NHEJ1: variants seen among roughly 807,000 people sequenced by gnomAD.
NHEJ1 encodes non-homologous end-joining factor 1.
Under a neutral mutation model 39.4 loss-of-function variants are expected in NHEJ1, and 22 were observed. The ratio of observed to expected loss-of-function variants is 0.56; its 90% CI spans 0.40 to 0.80. The LOEUF is 0.80. Among genes scored for constraint, NHEJ1 ranks in the 30% least tolerant of loss-of-function variants. The pLI is 0.00. For synonymous variants in NHEJ1, 154 were observed against 135.6 expected, an observed-to-expected ratio of 1.14 and a Z score of -0.94; for missense variants, 329 against 357.1, an observed-to-expected ratio of 0.92 and a Z score of 0.63.
At chr2:219,097,526 T>A (rs1333462754) in intron 5 of NHEJ1, among the ~76,000 whole-genome samples, 1 of 152,190 alleles carries the variant, frequency 6.6e-6, no homozygotes, top group Non-Finnish European at 1.5e-5. Flanking sequence ...GCTCAAGAGA[T>A]CCTCCTATCT....
At chr2:219,115,980 C>T (rs1342028753) in intron 5 of NHEJ1, among the ~76,000 whole-genome samples, 2 of 151,580 alleles carry the variant, frequency 1.3e-5, no homozygotes, top group Admixed American at 6.6e-5. Flanking sequence ...ATTCGCTGGG[C>T]GTGGGGGTGT....
intron 5 of NHEJ1, among the ~76,000 whole-genome samples, chr2:219,096,382 T>C (rs770165890): frequency 2.0e-5 from 3 of 152,258 alleles, no homozygotes; most frequent in Non-Finnish European, 4.4e-5. Context: ...CAAGTATTAA[T>C]TCAACAGGTA....
At chr2:219,145,221 AAACAAC>A (rs148227268) in intron 5 of NHEJ1, among the ~76,000 whole-genome samples, 16 of 151,576 alleles carry the variant, frequency 1.1e-4, no homozygotes, top group African/African-American at 2.9e-4. Context: ...TTCGTTTCAA[AAACAAC>A]AACAACAACA....
rs562162493 is a variant in NHEJ1 at position 219,141,306 on chromosome 2, G to A, written c.588+5374C>T. ...GGGGCATGAGAATCTCTTGAACCCA[G>A]GAGGCAGAGGTTACAGTGAGCCGAG... On this transcript the variant is annotated intron_variant, in intron 5 of 7. Transcript: ENST00000356853. 8.8e-4 allele frequency among the ~76,000 whole-genome samples: 134 copies of A among 151,968 alleles called. 1 individual carries two copies. Among genetic ancestry groups the A allele is most frequent in the African/African-American group, 3.1e-3 (127 of 41,370 alleles).
intron 5 of NHEJ1, among the ~76,000 whole-genome samples, chr2:219,083,050 G>C (rs755791343): frequency 1.3e-5 from 2 of 152,200 alleles, no homozygotes; most frequent in African/African-American, 2.4e-5. Context: ...TTCAAGAAAT[G>C]TAACTCCCCC....
chr2:219,080,874 T>G (rs1316062921), intron 5 of NHEJ1, among the ~76,000 whole-genome samples: 1 of 152,042 alleles, frequency 6.6e-6, no homozygotes, highest in Non-Finnish European at 1.5e-5. Flanking sequence ...ATGACCCCGT[T>G]TGGCTGAGAT....
intron 5 of NHEJ1, among the ~76,000 whole-genome samples, chr2:219,113,787 A>G (rs1481550083): frequency 6.6e-6 from 1 of 152,176 alleles, no homozygotes; most frequent in African/African-American, 2.4e-5. Context: ...TATCATTTCC[A>G]AGGTATTCCA....
intron 5 of NHEJ1, among the ~76,000 whole-genome samples, chr2:219,106,278 T>C (rs1949312921): frequency 1.3e-5 from 2 of 152,002 alleles, no homozygotes; most frequent in African/African-American, 4.8e-5. Context: ...TTGAAGAAGT[T>C]CCAGGGAGGG....
rs1355792627 is a variant in NHEJ1, at chr2:219,069,486, TC to T, written c.*6894del. The T allele has an allele frequency of 3.3e-5, 5 of 152,190 alleles. No individual in the cohort carries two copies. Among genetic ancestry groups the T allele is most frequent in the African/African-American group, 1.2e-4 (5 of 41,430 alleles). The allele number at this position is 152,190 out of a possible 1,614,324, so 9.4% of individuals were successfully genotyped here. A position where few individuals can be genotyped will look rare whatever the true frequency, so the allele number is the denominator to read the frequency against. ...GACTGGCCTGGCTCCTTTGGGTCATTCATCAAAGCCATTTTGAAGCAAGGAC... is the reference window on the plus strand; with the variant it reads ...GACTGGCCTGGCTCCTTTGGGTCATTATCAAAGCCATTTTGAAGCAAGGAC... On this transcript the variant is annotated 3_prime_UTR_variant, in exon 8 of 8. Coordinates refer to ENST00000356853, the MANE Select transcript of NHEJ1 (RefSeq NM_024782.3).
intron 1 of NHEJ1, among the ~76,000 whole-genome samples, chr2:219,159,578 T>TATATATGCATATATATACATATATATGC: frequency 1.8e-5 from 1 of 56,328 alleles, no homozygotes; most frequent in Non-Finnish European, 3.4e-5. Context: ...TATATATGCA[T>TATATATGCATATATATACATATATATGC]ATATATATGC....
intron 1 of NHEJ1, among the ~76,000 whole-genome samples, chr2:219,159,534 TATGC>T (rs768936895): frequency 0.037 from 3,359 of 90,996 alleles, 325 homozygotes; most frequent in Non-Finnish European, 0.048. Context: ...TGCATATATA[TATGC>T]ATATATATAT....
At chr2:219,149,855 C>A (rs981786530) in intron 3 of NHEJ1, among the ~76,000 whole-genome samples, 1 of 152,220 alleles carries the variant, frequency 6.6e-6, no homozygotes. Context: ...AGCACAAAAG[C>A]AGCCACAGAC....
intron 3 of NHEJ1, among the ~76,000 whole-genome samples, chr2:219,154,371 T>C (rs1321830704): frequency 6.6e-6 from 1 of 152,192 alleles, no homozygotes; most frequent in Non-Finnish European, 1.5e-5. Flanking sequence ...GGTAGTTGCT[T>C]TGCAAAAGGA....
At chr2:219,150,144 T>TA (rs1949781690) in intron 3 of NHEJ1, among the ~76,000 whole-genome samples, 5 of 152,252 alleles carry the variant, frequency 3.3e-5, no homozygotes, top group African/African-American at 1.2e-4. Context: ...TAAAATTTAC[T>TA]ACTAAAAGTT....
chr2:219,089,432 G>A (rs771670749), intron 5 of NHEJ1, among the ~76,000 whole-genome samples: 11 of 152,254 alleles, frequency 7.2e-5, no homozygotes, highest in South Asian at 2.1e-4. Context: ...ACTGATATTC[G>A]CTTTAATACA....
At chr2:219,088,632 G>A (rs1365268826) in intron 5 of NHEJ1, among the ~76,000 whole-genome samples, 1 of 152,200 alleles carries the variant, frequency 6.6e-6, no homozygotes, top group Non-Finnish European at 1.5e-5. Context: ...GTGTAGTGGT[G>A]TTACCCTTTG....
chr2:219,122,838 T>G (rs1949484134), intron 5 of NHEJ1, among the ~76,000 whole-genome samples: 1 of 152,186 alleles, frequency 6.6e-6, no homozygotes, highest in South Asian at 2.1e-4. Context: ...GCAGCCCAGC[T>G]AGAAGGTCTA....
chr2:219,122,118 T>A (rs1430621067), intron 5 of NHEJ1, among the ~76,000 whole-genome samples: 1 of 152,180 alleles, frequency 6.6e-6, no homozygotes. Context: ...AGGGGAACCA[T>A]CTGACAGCAG....
intron 3 of NHEJ1, among the ~76,000 whole-genome samples, chr2:219,152,333 T>C (rs1227392897): frequency 1.3e-5 from 2 of 152,190 alleles, no homozygotes; most frequent in Admixed American, 6.5e-5. Context: ...GGGAGCAGAA[T>C]GATAGGTCTC....
Sources: gnomAD v4.1 joint callset for allele counts (sites outside exome capture counted in the v4.1 genomes callset) on GRCh38, gnomAD v4.1.1 for gene constraint, MANE v1.5 for transcripts, NCBI Gene and HGNC (gene_info 2026-07-23, HGNC 2026-07-21) for gene names.